Variants in RSBN1 observed in about 807,000 individuals in gnomAD.
The protein encoded by RSBN1 is lysine-specific demethylase 9.
RSBN1 carries 23 observed loss-of-function variants against 74.8 expected under a neutral mutation model. The ratio of observed to expected loss-of-function variants is 0.31; its 90% CI spans 0.22 to 0.44. RSBN1 has a LOEUF of 0.44. RSBN1 is among the 20% of genes least tolerant of loss of function. The probability of loss-of-function intolerance (pLI) is 1.00; values close to 1 mark genes in which losing one functional copy is unlikely to be tolerated. For missense variants in RSBN1, 808 were observed against 1,020.9 expected, an observed-to-expected ratio of 0.79 and a Z score of 2.84; for synonymous variants, 407 against 379.6, an observed-to-expected ratio of 1.07 and a Z score of -0.84.
chr1:113,771,965 C>A (rs553470411), intron 4 of RSBN1, among the ~76,000 whole-genome samples: 3 of 151,610 alleles, frequency 2.0e-5, no homozygotes, highest in East Asian at 3.9e-4. Flanking sequence ...ATAAAACTTT[C>A]AAAAAATGTG....
chr1:113,789,063 T>C lies in RSBN1; in HGVS notation c.1377+8300A>G, dbSNP rs1186206376. 2.6e-5 allele frequency among the ~76,000 whole-genome samples: 4 copies of C among 152,276 alleles called. No individual in the cohort carries two copies. In the East Asian group the frequency reaches 7.7e-4, roughly 29 times the overall value. Reference sequence around the variant, plus strand: ...TCCTAAACTCCTTGTTATCTCCAAATAGCTCTATTTTTGTATGCTAATATT... The same window carrying C: ...TCCTAAACTCCTTGTTATCTCCAAACAGCTCTATTTTTGTATGCTAATATT... On this transcript the variant is annotated intron_variant, in intron 2 of 6. Transcript: ENST00000261441.
Position 113,782,522 on chromosome 1 carries a change from G to A in RSBN1, c.1378-4714C>T, listed in dbSNP as rs189056670. Among the ~76,000 whole-genome samples the A allele has an allele frequency of 1.8e-3, 267 of 152,278 alleles. 3 individuals carry two copies. Among genetic ancestry groups the A allele is most frequent in the Non-Finnish European group, 2.8e-3 (189 of 68,010 alleles). On this transcript the variant is annotated intron_variant, in intron 2 of 6. Coordinates refer to ENST00000261441, the MANE Select transcript of RSBN1 (RefSeq NM_018364.5). ...TAAGAAGTAATGCAATTAAAATGATGTAAGAATAACGTTTCAAAAATGGTC... is the reference window on the plus strand; with the variant it reads ...TAAGAAGTAATGCAATTAAAATGATATAAGAATAACGTTTCAAAAATGGTC...
At position 113,812,469 on chromosome 1, in the gene RSBN1, T is replaced by C; in HGVS notation, c.-57A>G. On this transcript the variant is annotated 5_prime_UTR_variant, in exon 1 of 7. Coordinates refer to ENST00000261441, the MANE Select transcript of RSBN1 (RefSeq NM_018364.5). ...CAGGCCTCTCCAACCGAGCTTCTAT[T>C]GTAAAGCACCCTATGCCGCGCAAAG... is the stretch of plus-strand genomic sequence containing the variant. 4.7e-6 allele frequency: 7 copies of C among 1,494,656 alleles called. No individual in the cohort carries two copies. The highest frequency in any genetic ancestry group is 6.2e-6 in the Non-Finnish European group (7 of 1,125,772). 92.6% of individuals were successfully genotyped at this position (1,494,656 alleles called of 1,614,324 possible). A position where few individuals can be genotyped will look rare whatever the true frequency, so the allele number is the denominator to read the frequency against.
chr1:113,770,081 T>C (rs1367954675), intron 4 of RSBN1, among the ~76,000 whole-genome samples: 1 of 152,172 alleles, frequency 6.6e-6, no homozygotes, highest in Non-Finnish European at 1.5e-5. Context: ...TGGTAAATTA[T>C]GGTAAGCTCA....
intron 2 of RSBN1, among the ~76,000 whole-genome samples, chr1:113,790,969 C>G (rs760142812): frequency 6.6e-6 from 1 of 152,104 alleles, no homozygotes; most frequent in African/African-American, 2.4e-5. Flanking sequence ...GTTTGGGAAA[C>G]TCTGGCCTGG....
At chr1:113,802,885 G>A (rs974787575) in intron 1 of RSBN1, among the ~76,000 whole-genome samples, 1 of 152,040 alleles carries the variant, frequency 6.6e-6, no homozygotes, top group African/African-American at 2.4e-5. Context: ...TTACATTCAG[G>A]TTCACTCTTG....
At chr1:113,787,946 A>G (rs559946732) in intron 2 of RSBN1, among the ~76,000 whole-genome samples, 3 of 152,334 alleles carry the variant, frequency 2.0e-5, no homozygotes, top group South Asian at 4.1e-4. Context: ...ATGAAAACAT[A>G]ACCAGAAGAC....
rs763924865 is a variant in RSBN1 at position 113,768,362 on chromosome 1, C to T, written c.1686G>A (p.Gln562=). The change falls in exon 5 of 7, where the codon CAG becomes CAA. Residue 562 remains glutamine (Q), a synonymous_variant. Coordinates refer to ENST00000261441, the MANE Select transcript of RSBN1 (RefSeq NM_018364.5). The part of the protein sequence containing the change: ...RRSMNEIKNL[Q]YLPRTSEPRE... The stretch of plus-strand genomic sequence containing the variant: ...GGGGTTCACTGGTCCGAGGTAGGTA[C>T]TGGAGATTTTTTATTTCATTCATTG... The T allele has an allele frequency of 2.5e-6, 4 of 1,605,068 alleles. No homozygotes were observed. Among genetic ancestry groups the T allele is most frequent in the Admixed American group, 1.7e-5 (1 of 58,704 alleles).
chr1:113,775,962 T>A (rs1290743104), intron 4 of RSBN1, among the ~76,000 whole-genome samples: 7 of 152,188 alleles, frequency 4.6e-5, no homozygotes, highest in African/African-American at 1.7e-4. Context: ...TAAGTTAAGG[T>A]TTAGATTAGT....
chr1:113,776,315 T>C (rs1192175173), intron 4 of RSBN1, among the ~76,000 whole-genome samples: 1 of 152,154 alleles, frequency 6.6e-6, no homozygotes, highest in African/African-American at 2.4e-5. Context: ...AACAGAACAT[T>C]GTAGGGAACA....
intron 2 of RSBN1, among the ~76,000 whole-genome samples, chr1:113,789,425 T>C (rs990441638): frequency 1.3e-5 from 2 of 152,218 alleles, no homozygotes; most frequent in African/African-American, 4.8e-5. Context: ...TCTCTTCATA[T>C]GGCTGTTTAT....
rs1236689444 is a variant in RSBN1, at chr1:113,767,147, A to G, written c.1887T>C (p.Asp629=). 1 of 1,612,418 alleles carries G rather than the reference A, an allele frequency of 6.2e-7. No homozygotes were observed. Among genetic ancestry groups the G allele is most frequent in the South Asian group, 1.1e-5 (1 of 90,900 alleles). Residue 629 remains aspartate, a synonymous_variant, in exon 6 of 7, where the codon GAT becomes GAC. Transcript: ENST00000261441. ...VICFHAEDFT[D]VVQRLQLDLH... ...GATCTAACTGAAGTCTTTGTACAAC[A>G]TCAGTAAAATCCTCAGCATGAAAAC...
chr1:113,796,628 T>C (rs1013004208), intron 2 of RSBN1, among the ~76,000 whole-genome samples: 1 of 152,154 alleles, frequency 6.6e-6, no homozygotes, highest in Non-Finnish European at 1.5e-5. Context: ...TAATATATAC[T>C]GCAGAAACTT....
intron 4 of RSBN1, among the ~76,000 whole-genome samples, chr1:113,773,526 C>G (rs777392889): frequency 6.6e-6 from 1 of 151,714 alleles, no homozygotes; most frequent in Non-Finnish European, 1.5e-5. Flanking sequence ...CTGTCTAAAA[C>G]AATTTTTTAA....
intron 1 of RSBN1, 26 bp downstream of exon 1, chr1:113,811,684 A>G (rs763658873): frequency 5.1e-6 from 8 of 1,553,552 alleles, no homozygotes; most frequent in Non-Finnish European, 7.0e-6. Context: ...CCTAGAACCC[A>G]AGCCGGGCAG....
At chr1:113,778,217 C>T (rs1025445534) in intron 2 of RSBN1, among the ~76,000 whole-genome samples, 1 of 151,952 alleles carries the variant, frequency 6.6e-6, no homozygotes, top group Non-Finnish European at 1.5e-5. Flanking sequence ...TTTTGTACTC[C>T]CTAGCTTCAA....
chr1:113,777,592 A>C, intron 3 of RSBN1, 79 bp downstream of exon 3: 1 of 1,319,102 alleles, frequency 7.6e-7, no homozygotes, highest in Non-Finnish European at 1.0e-6. Context: ...AATAGGCAAT[A>C]TTAGCTAAAT....
chr1:113,778,678 GA>G (rs1241511011), intron 2 of RSBN1, among the ~76,000 whole-genome samples: 1 of 152,020 alleles, frequency 6.6e-6, no homozygotes, highest in Non-Finnish European at 1.5e-5. Context: ...GCCCAATCTG[GA>G]ATGTCCTCTT....
chr1:113,778,195 C>T (rs1660066201), intron 2 of RSBN1, among the ~76,000 whole-genome samples: 1 of 151,920 alleles, frequency 6.6e-6, no homozygotes. Flanking sequence ...TCATATTAAT[C>T]TTCCATGTTC....
Sources: allele counts gnomAD v4.1 joint callset (sites outside exome capture counted in the v4.1 genomes callset), GRCh38; gene constraint gnomAD v4.1.1; transcripts MANE v1.5; gene names NCBI Gene and HGNC (gene_info 2026-07-23, HGNC 2026-07-21).